BANK1: variants seen among roughly 807,000 people sequenced by gnomAD.
BANK1 encodes the protein B cell scaffold protein with ankyrin repeats 1, also known as B-cell scaffold protein with ankyrin repeats.
A neutral mutation model predicts 94.5 loss-of-function variants in BANK1; 95 were observed. That is an observed-to-expected ratio of 1.00 (90% confidence interval 0.85 to 1.19). BANK1 has a LOEUF of 1.19. Among genes scored for constraint, BANK1 ranks in the 50% most tolerant of loss-of-function variants. The pLI is 0.00. For missense variants in BANK1, 987 were observed against 932.2 expected (o/e 1.06, Z -0.77); for synonymous variants, 334 against 308.4 (o/e 1.08, Z -0.87).
intron 3 of BANK1, among the ~76,000 whole-genome samples, chr4:101,857,790 A>T (rs1727730884): frequency 6.6e-6 from 1 of 152,202 alleles, no homozygotes; most frequent in African/African-American, 2.4e-5. Context: ...TTTGAGAAAT[A>T]CCTAGGTGAG....
chr4:102,012,476 A>C (rs1353264638), intron 7 of BANK1, among the ~76,000 whole-genome samples: 1 of 152,150 alleles, frequency 6.6e-6, no homozygotes, highest in East Asian at 1.9e-4. Flanking sequence ...ATAGATTTGC[A>C]ACAATATAAA....
chr4:101,792,461 GTGTGTGTGT>G (rs963474232), intron 1 of BANK1, among the ~76,000 whole-genome samples: 19 of 97,452 alleles, frequency 1.9e-4, no homozygotes, highest in Middle Eastern at 6.6e-3. Context: ...GTGTGTGTGT[GTGTGTGTGT>G]TTTTTTTTTT....
intron 7 of BANK1, among the ~76,000 whole-genome samples, chr4:102,015,141 C>T (rs1726650505): frequency 6.6e-6 from 1 of 151,642 alleles, no homozygotes; most frequent in Non-Finnish European, 1.5e-5. Context: ...GTGTCTGATA[C>T]CCAATTAATT....
chr4:101,863,921 TC>T (rs1229387420), intron 4 of BANK1, among the ~76,000 whole-genome samples: 2 of 152,116 alleles, frequency 1.3e-5, no homozygotes, highest in Non-Finnish European at 1.5e-5. Flanking sequence ...AAATAGCAGA[TC>T]AAGATGTCAA....
chr4:101,862,812 A>G (rs1439615888), intron 4 of BANK1, 148 bp downstream of exon 4: 6 of 836,180 alleles, frequency 7.2e-6, no homozygotes, highest in East Asian at 3.0e-5. Context: ...CAAGGTTGTT[A>G]TTATTAATCT....
chr4:102,014,116 A>G (rs79274226), intron 7 of BANK1, among the ~76,000 whole-genome samples: 7,958 of 152,218 alleles, frequency 0.052, 492 homozygotes, highest in African/African-American at 0.14. Flanking sequence ...CTTAACCTAT[A>G]CAACCTAAAG....
intron 10 of BANK1, among the ~76,000 whole-genome samples, chr4:102,033,340 T>A (rs146560531): frequency 1.3e-5 from 2 of 152,216 alleles, no homozygotes; most frequent in African/African-American, 2.4e-5. Flanking sequence ...CCATGACTGG[T>A]TTAGGCTTTC....
At chr4:101,842,865 G>A (rs186968969) in intron 2 of BANK1, among the ~76,000 whole-genome samples, 5 of 152,222 alleles carry the variant, frequency 3.3e-5, no homozygotes, top group Non-Finnish European at 7.4e-5. Context: ...CTGCATTCTA[G>A]GTTTCACAAG....
At chr4:101,875,035 G>A (rs1376442672) in intron 5 of BANK1, among the ~76,000 whole-genome samples, 1 of 152,112 alleles carries the variant, frequency 6.6e-6, no homozygotes, top group African/African-American at 2.4e-5. Flanking sequence ...CCCCTGCAAG[G>A]ATTTATCAAC....
chr4:102,054,736 A>C (rs1440903319), intron 11 of BANK1, among the ~76,000 whole-genome samples: 1 of 151,918 alleles, frequency 6.6e-6, no homozygotes, highest in African/African-American at 2.4e-5. Flanking sequence ...TGAATTAGAC[A>C]AGAATAGTAA....
chr4:101,879,298 G>C (rs935032212), intron 5 of BANK1, among the ~76,000 whole-genome samples: 6 of 151,980 alleles, frequency 3.9e-5, no homozygotes, highest in African/African-American at 1.4e-4. Flanking sequence ...GAAATCCAAA[G>C]GATCGTTAGT....
In BANK1 at chr4:102,039,526, G is replaced by A. The variant is rs1184817488; in HGVS notation, c.1901-4313G>A. On this transcript the variant is annotated intron_variant, in intron 10 of 16. Transcript: ENST00000322953. ...GCCTTTTTGTGATTAGATTTAAACAGTATAAATTGGGAAGCTGGGGGAAAC... is the reference window on the plus strand; with the variant it reads ...GCCTTTTTGTGATTAGATTTAAACAATATAAATTGGGAAGCTGGGGGAAAC... Among the ~76,000 whole-genome samples the A allele has an allele frequency of 2.0e-5, 3 of 152,166 alleles. No homozygotes were observed. In the East Asian group the frequency reaches 5.8e-4, roughly 29 times the overall value.
intron 7 of BANK1, among the ~76,000 whole-genome samples, chr4:101,978,113 A>G (rs1725197714): frequency 6.6e-6 from 1 of 151,734 alleles, no homozygotes; most frequent in African/African-American, 2.4e-5. Flanking sequence ...ATTTTCCAAA[A>G]CATTTTTGAA....
chr4:101,946,996 C>T (rs1289668203), intron 7 of BANK1, among the ~76,000 whole-genome samples: 1 of 151,384 alleles, frequency 6.6e-6, no homozygotes, highest in Non-Finnish European at 1.5e-5. Context: ...ATTTTTTTCT[C>T]CAATTACATT....
At chr4:101,869,722 T>C (rs1438920206) in intron 4 of BANK1, among the ~76,000 whole-genome samples, 1 of 151,952 alleles carries the variant, frequency 6.6e-6, no homozygotes, top group Non-Finnish European at 1.5e-5. Flanking sequence ...AATATCTCAA[T>C]GACAGATTAA....
Position 101,953,495 on chromosome 4 carries a change from C to T in BANK1, c.1206+35306C>T, listed in dbSNP as rs1724239673. On this transcript the variant is annotated intron_variant, in intron 7 of 16. Transcript: ENST00000322953. ...ATGCTAGTACTTGGAAATTTTGCAG[C>T]AGACTTGCAACACTGTATCATTGCT... 3.3e-5 allele frequency among the ~76,000 whole-genome samples: 5 copies of T among 151,958 alleles called. No individual in the cohort carries two copies. In the South Asian group the frequency reaches 1.0e-3, roughly 32 times the overall value.
At chr4:102,067,869 G>A (rs989313430) in intron 13 of BANK1, among the ~76,000 whole-genome samples, 17 of 151,914 alleles carry the variant, frequency 1.1e-4, no homozygotes, top group Non-Finnish European at 2.9e-5. Flanking sequence ...ATACATGGAG[G>A]TTCACCAAGA....
intron 10 of BANK1, among the ~76,000 whole-genome samples, chr4:102,037,171 G>A (rs1318570116): frequency 1.3e-5 from 2 of 152,218 alleles, no homozygotes; most frequent in African/African-American, 4.8e-5. Context: ...AATGTCTGGA[G>A]ACATTTTGAT....
chr4:101,823,932 T>C (rs1160399833), intron 1 of BANK1, among the ~76,000 whole-genome samples: 1 of 152,214 alleles, frequency 6.6e-6, no homozygotes, highest in Non-Finnish European at 1.5e-5. Context: ...AAAAATGGAC[T>C]TGAGTACAGG....
Sources: gnomAD v4.1 joint callset for allele counts (sites outside exome capture counted in the v4.1 genomes callset) on GRCh38, gnomAD v4.1.1 for gene constraint, MANE v1.5 for transcripts, NCBI Gene and HGNC (gene_info 2026-07-23, HGNC 2026-07-21) for gene names.